The following RSPO4 variants were observed in gnomAD, a reference collection of about 807,000 sequenced individuals.
RSPO4 encodes the protein R-spondin-4.
RSPO4 carries 23 observed loss-of-function variants against 24.8 expected under a neutral mutation model. The observed-to-expected ratio is 0.93, with a 90% CI of 0.67 to 1.31. The LOEUF is 1.31. Among genes scored for constraint, RSPO4 ranks in the 40% most tolerant of loss-of-function variants. The pLI, the probability that RSPO4 is intolerant of heterozygous loss-of-function variation, is 0.00. For synonymous variants in RSPO4, 141 were observed against 127.4 expected (o/e 1.11, Z -0.72); for missense variants, 333 against 316.5 (o/e 1.05, Z -0.39).
rs1254398393 is a variant in RSPO4 at position 984,589 on chromosome 20, C to T, written c.80-16451G>A. Among the ~76,000 whole-genome samples the T allele has an allele frequency of 2.0e-5, 3 of 152,308 alleles. No individual in the cohort carries two copies. The East Asian group carries it at 5.8e-4, about 29-fold the overall frequency. On this transcript the variant is annotated intron_variant, in intron 1 of 4. Transcript: ENST00000217260. ...TGCAGTTTGGGCCTCCAGCCCAATG[C>T]TCCATGCTCCTTGCCCAGTAATCAC...
At chr20:996,819 C>T (rs549905906) in intron 1 of RSPO4, among the ~76,000 whole-genome samples, 135 of 151,640 alleles carry the variant, frequency 8.9e-4, no homozygotes, top group Middle Eastern at 3.4e-3. Flanking sequence ...ACTTCACTTC[C>T]TTCGGCCACG....
chr20:964,791 CAT>C (rs200872908), intron 3 of RSPO4, among the ~76,000 whole-genome samples: 3,971 of 122,904 alleles, frequency 0.032, 172 homozygotes, highest in African/African-American at 0.12. Flanking sequence ...TATATATACA[CAT>C]ATATACACAC....
At chr20:988,208 C>T (rs1366184578) in intron 1 of RSPO4, among the ~76,000 whole-genome samples, 1 of 152,124 alleles carries the variant, frequency 6.6e-6, no homozygotes, top group Non-Finnish European at 1.5e-5. Context: ...GGGGCCAGAC[C>T]CCCAGGACAC....
In RSPO4 at chr20:970,506, GC is replaced by G. The variant is rs1403374744; in HGVS notation, c.80-2369del. ...AGTTGGCATTGCCCTCAATTTTCTT[GC>G]CCTGGGATAAGAAACTGCAACAGGA... On this transcript the variant is annotated intron_variant, in intron 1 of 4. Coordinates refer to ENST00000217260, the MANE Select transcript of RSPO4 (RefSeq NM_001029871.4). The surrounding 1 kb of genome is among the most constrained non-coding windows in gnomAD (Gnocchi z 4.1). Among the ~76,000 whole-genome samples, 4 of 152,110 alleles carry G rather than the reference GC, an allele frequency of 2.6e-5. No homozygotes were observed. Among genetic ancestry groups the G allele is most frequent in the African/African-American group, 9.7e-5 (4 of 41,430 alleles).
chr20:963,767 C>T (rs1984080931), intron 4 of RSPO4, among the ~76,000 whole-genome samples, 168 bp downstream of exon 4: 1 of 152,172 alleles, frequency 6.6e-6, no homozygotes, highest in Admixed American at 6.5e-5. Context: ...GGAAGGCCCT[C>T]CTTTGAAAGG....
rs1255938008 is a variant in RSPO4, at chr20:1,002,208, G to A, written c.-44C>T. Reference sequence around the variant, plus strand: ...GCTGGCGCTCCCCAGGCGGCCCGACGGCCCAAGGGCCCCACGTCCCGGCGG... The same window carrying A: ...GCTGGCGCTCCCCAGGCGGCCCGACAGCCCAAGGGCCCCACGTCCCGGCGG... On this transcript the variant is annotated 5_prime_UTR_variant, in exon 1 of 5. Coordinates refer to ENST00000217260, the MANE Select transcript of RSPO4 (RefSeq NM_001029871.4). The surrounding 1 kb of genome is among the most constrained non-coding windows in gnomAD (Gnocchi z 4.6). The A allele has an allele frequency of 2.8e-6, 4 of 1,410,564 alleles. No homozygotes were observed. In the African/African-American group the frequency reaches 6.0e-5, roughly 21 times the overall value. 87.4% of individuals were successfully genotyped at this position (1,410,564 alleles called of 1,614,324 possible).
intron 1 of RSPO4, among the ~76,000 whole-genome samples, chr20:969,746 G>A (rs1245356408): frequency 6.6e-6 from 1 of 152,152 alleles, no homozygotes; most frequent in Non-Finnish European, 1.5e-5. Flanking sequence ...GGAGACCACT[G>A]GGAGTAGGAG....
chr20:974,635 T>C (rs961877505), intron 1 of RSPO4, among the ~76,000 whole-genome samples: 1 of 152,164 alleles, frequency 6.6e-6, no homozygotes, highest in Non-Finnish European at 1.5e-5. Context: ...GAGCTAGTCT[T>C]GGGGTTTTTG....
Position 964,134 on chromosome 20 carries a change from G to GGAGAGACA in RSPO4, c.410-22_410-15dup. ...GTTCACACTCCCCTGTGGGGTGAAAGGAGAGACAGACAGACAGACAGACAG... is the reference window on the plus strand; with the variant it reads ...GTTCACACTCCCCTGTGGGGTGAAAGGAGAGACAGAGAGACAGACAGACAGACAGACAG... On this transcript the variant is annotated splice_polypyrimidine_tract_variant and intron_variant, in intron 3 of 4. Coordinates refer to ENST00000217260, the MANE Select transcript of RSPO4 (RefSeq NM_001029871.4). 1 of 1,602,670 alleles carries GGAGAGACA rather than the reference G, an allele frequency of 6.2e-7. No individual in the cohort carries two copies. Among genetic ancestry groups the GGAGAGACA allele is most frequent in the South Asian group, 1.1e-5 (1 of 90,346 alleles).
chr20:962,482 C>T (rs1048421558), intron 4 of RSPO4, among the ~76,000 whole-genome samples: 1 of 152,136 alleles, frequency 6.6e-6, no homozygotes, highest in African/African-American at 2.4e-5. Flanking sequence ...CAGCCATTCA[C>T]CCCCAGCTCT....
chr20:1,002,118 T>A lies in RSPO4; in HGVS notation c.47A>T (p.Asp16Val). ...CTTCCTTCGGTTCAGGGCGAGCATG[T>A]CCACGGCGTGGGCGACGAGCAGGAG... Reference protein sequence around the residue: ...CLLLLVAHAVDMLALNRRKKQ... With the variant: ...CLLLLVAHAVVMLALNRRKKQ... Residue 16 changes from aspartate to valine, a missense_variant, in exon 1 of 5, where the codon GAC becomes GTC. Asp to Val is a radical substitution (Grantham distance 152). Coordinates refer to ENST00000217260, the MANE Select transcript of RSPO4 (RefSeq NM_001029871.4). The surrounding 1 kb of genome is among the most constrained non-coding windows in gnomAD (Gnocchi z 4.6). The A allele has an allele frequency of 6.4e-7, 1 of 1,565,656 alleles. No individual in the cohort carries two copies. The highest frequency in any genetic ancestry group is 8.7e-7 in the Non-Finnish European group (1 of 1,154,832).
At chr20:997,754 A>G (rs1985340716) in intron 1 of RSPO4, among the ~76,000 whole-genome samples, 1 of 152,202 alleles carries the variant, frequency 6.6e-6, no homozygotes, top group Non-Finnish European at 1.5e-5. Context: ...GAAGCATCAT[A>G]TTCACTCCAC....
intron 4 of RSPO4, among the ~76,000 whole-genome samples, chr20:961,769 C>A (rs1214123901): frequency 6.6e-6 from 1 of 152,046 alleles, no homozygotes; most frequent in Non-Finnish European, 1.5e-5. Context: ...ATGTACCCAT[C>A]CAGTCACCCA....
At chr20:995,927 A>G (rs1337023074) in intron 1 of RSPO4, among the ~76,000 whole-genome samples, 2 of 152,218 alleles carry the variant, frequency 1.3e-5, no homozygotes, top group Non-Finnish European at 2.9e-5. Context: ...ATGTGCATGC[A>G]CACTCACCCA....
At position 959,851 on chromosome 20, in the gene RSPO4, C is replaced by G. The variant is rs1983928060; in HGVS notation, c.*506G>C. ...TCCCCCAGAGCAGAAGCAGGGCCTTCAGGATTCACCTGTGCTGTGTCCCAG... is the reference window on the plus strand; with the variant it reads ...TCCCCCAGAGCAGAAGCAGGGCCTTGAGGATTCACCTGTGCTGTGTCCCAG... On this transcript the variant is annotated 3_prime_UTR_variant, in exon 5 of 5. Coordinates refer to ENST00000217260, the MANE Select transcript of RSPO4 (RefSeq NM_001029871.4). 6.3e-6 allele frequency: 1 copy of G among 159,658 alleles called. No individual in the cohort carries two copies. The highest frequency in any genetic ancestry group is 1.4e-5 in the Non-Finnish European group (1 of 72,722). The allele number at this position is 159,658 out of a possible 1,614,324, so 9.9% of individuals were successfully genotyped here. A position where few individuals can be genotyped will look rare whatever the true frequency, so the allele number is the denominator to read the frequency against.
chr20:991,623 A>G (rs1985104689), intron 1 of RSPO4, among the ~76,000 whole-genome samples: 1 of 152,092 alleles, frequency 6.6e-6, no homozygotes, highest in Non-Finnish European at 1.5e-5. Flanking sequence ...ACAAATTTAA[A>G]CAGTTAAAAT....
chr20:964,763 T>C lies in RSPO4; in HGVS notation c.410-643A>G, dbSNP rs538533136. The stretch of plus-strand genomic sequence containing the variant: ...ACACACATATATATACACATATATA[T>C]ACACACACACACACATATATATATA... On this transcript the variant is annotated intron_variant, in intron 3 of 4. Coordinates refer to ENST00000217260, the MANE Select transcript of RSPO4 (RefSeq NM_001029871.4). Among the ~76,000 whole-genome samples, 411 of 138,596 alleles carry C rather than the reference T, an allele frequency of 3.0e-3. 5 individuals carry two copies. Among genetic ancestry groups the C allele is most frequent in the African/African-American group, 0.011 (379 of 34,016 alleles). The allele number at this position is 138,596 out of a possible 152,430, so 90.9% of individuals were successfully genotyped here. A position where few individuals can be genotyped will look rare whatever the true frequency, so the allele number is the denominator to read the frequency against.
At chr20:991,033 G>C (rs1015878960) in intron 1 of RSPO4, among the ~76,000 whole-genome samples, 3 of 152,184 alleles carry the variant, frequency 2.0e-5, no homozygotes, top group Admixed American at 2.0e-4. Flanking sequence ...ACTAACACTT[G>C]GAAGAATCCC....
chr20:964,765 C>T (rs555251275), intron 3 of RSPO4, among the ~76,000 whole-genome samples: 25 of 131,514 alleles, frequency 1.9e-4, no homozygotes, highest in South Asian at 1.2e-3. Context: ...CATATATATA[C>T]ACACACACAC....
Sources: allele counts gnomAD v4.1 joint callset (sites outside exome capture counted in the v4.1 genomes callset), GRCh38; gene constraint gnomAD v4.1.1; non-coding constraint Gnocchi (gnomAD v3.1); transcripts MANE v1.5; gene names NCBI Gene and HGNC (gene_info 2026-07-23, HGNC 2026-07-21).